FILIP1L: variants seen among roughly 807,000 people sequenced by gnomAD.
FILIP1L encodes filamin A interacting protein 1 like, also known as filamin A-interacting protein 1-like.
FILIP1L carries 55 observed loss-of-function variants against 96.6 expected under a neutral mutation model. That is an observed-to-expected ratio of 0.57 (90% CI 0.46 to 0.71). The LOEUF is 0.71. Among genes scored for constraint, FILIP1L ranks in the 30% least tolerant of loss-of-function variants. FILIP1L has a pLI of 0.00. For synonymous variants in FILIP1L, 467 were observed against 473.9 expected, an observed-to-expected ratio of 0.99 and a Z score of 0.19; for missense variants, 1,304 against 1,321.2, an observed-to-expected ratio of 0.99 and a Z score of 0.20.
At chr3:99,944,191 G>A (rs1456533270) in intron 1 of FILIP1L, among the ~76,000 whole-genome samples, 3 of 152,198 alleles carry the variant, frequency 2.0e-5, no homozygotes, top group Non-Finnish European at 2.9e-5. Context: ...AGTATTTTAA[G>A]AGTGTGTGTT....
chr3:100,013,869 T>C (rs1710238067), intron 1 of FILIP1L, among the ~76,000 whole-genome samples: 1 of 152,174 alleles, frequency 6.6e-6, no homozygotes. Flanking sequence ...TACAATATGT[T>C]GTTAACTATA....
intron 1 of FILIP1L, among the ~76,000 whole-genome samples, chr3:99,975,952 T>A (rs1708957381): frequency 6.6e-6 from 1 of 152,196 alleles, no homozygotes; most frequent in African/African-American, 2.4e-5. Context: ...TGGCACCATC[T>A]TGGCTCACTG....
intron 1 of FILIP1L, among the ~76,000 whole-genome samples, chr3:99,971,232 C>T (rs1243087543): frequency 1.3e-5 from 2 of 150,962 alleles, no homozygotes; most frequent in Non-Finnish European, 1.5e-5. Context: ...CCCAGCTACT[C>T]GGGAGGCTGA....
chr3:100,050,876 T>C (rs2065359652), intron 1 of FILIP1L, among the ~76,000 whole-genome samples: 1 of 152,104 alleles, frequency 6.6e-6, no homozygotes, highest in African/African-American at 2.4e-5. Flanking sequence ...GGAAGATAAC[T>C]CTGTGAGACA....
At chr3:99,861,711 A>G (rs936034282) in intron 4 of FILIP1L, among the ~76,000 whole-genome samples, 1 of 152,178 alleles carries the variant, frequency 6.6e-6, no homozygotes. Context: ...GGCAGGTGGA[A>G]TGACTGACAG....
rs964953238 is a variant in FILIP1L, at chr3:99,850,791, C to A, written c.885G>T (p.Leu295=). 6.2e-7 allele frequency: 1 copy of A among 1,614,062 alleles called. No homozygotes were observed. The highest frequency in any genetic ancestry group is 8.5e-7 in the Non-Finnish European group (1 of 1,180,038). Residue 295 remains leucine (L), a synonymous_variant, in exon 5 of 6, where the codon CTG becomes CTT. Transcript: ENST00000477258. The part of the protein sequence containing the change: ...EQKATRLEKE[L]QTQTTKFHQD... Reference sequence around the variant, plus strand: ...GGTGAAACTTTGTGGTCTGCGTTTGCAGTTCCTTCTCTAGTCTGGTTGCCT... The same window carrying A: ...GGTGAAACTTTGTGGTCTGCGTTTGAAGTTCCTTCTCTAGTCTGGTTGCCT...
At chr3:100,065,864 T>A (rs908438658) in intron 1 of FILIP1L, among the ~76,000 whole-genome samples, 1 of 152,242 alleles carries the variant, frequency 6.6e-6, no homozygotes, top group Non-Finnish European at 1.5e-5. Context: ...CTGTGTTCTA[T>A]GCTGTAAGGT....
intron 1 of FILIP1L, chr3:100,025,597 G>A (rs1202330211): frequency 6.6e-6 from 1 of 152,112 alleles, no homozygotes; most frequent in African/African-American, 2.4e-5. Flanking sequence ...AGTGCATTTA[G>A]CTCTGAGCTT....
At chr3:99,918,411 A>C (rs1013228108) in intron 4 of FILIP1L, among the ~76,000 whole-genome samples, 6 of 152,270 alleles carry the variant, frequency 3.9e-5, no homozygotes, top group Admixed American at 3.3e-4. Flanking sequence ...TAGGCTTGTT[A>C]ATGTTTTCTT....
At chr3:99,989,664 C>CTA (rs72124290) in intron 1 of FILIP1L, among the ~76,000 whole-genome samples, 4 of 62,800 alleles carry the variant, frequency 6.4e-5, no homozygotes, top group African/African-American at 3.2e-4. Flanking sequence ...GTATCTTCCT[C>CTA]TATATATATA....
In FILIP1L at chr3:99,905,703, T is replaced by C. The variant is rs368225006; in HGVS notation, c.605+18527A>G. Among the ~76,000 whole-genome samples, 10 of 152,328 alleles carry C rather than the reference T, an allele frequency of 6.6e-5. 1 individual carries two copies. The South Asian group carries it at 1.0e-3, about 16-fold the overall frequency. On this transcript the variant is annotated intron_variant, in intron 4 of 5. Transcript: ENST00000477258. Reference sequence around the variant, plus strand: ...CCTTTGTGGCACATTCCAGTTGATATCCACTTTCTTACTGAGAGGTTGCCA... The same window carrying C: ...CCTTTGTGGCACATTCCAGTTGATACCCACTTTCTTACTGAGAGGTTGCCA...
chr3:100,000,575 C>A (rs1559720570), intron 1 of FILIP1L, among the ~76,000 whole-genome samples: 1 of 152,126 alleles, frequency 6.6e-6, no homozygotes, highest in Non-Finnish European at 1.5e-5. Context: ...TCTGACCAGG[C>A]GCAGTAGCTT....
Position 99,927,457 on chromosome 3 carries a change from C to T in FILIP1L, c.426+2399G>A, listed in dbSNP as rs527455087. Among the ~76,000 whole-genome samples the T allele has an allele frequency of 2.6e-5, 4 of 151,874 alleles. No homozygotes were observed. In the South Asian group the frequency reaches 8.3e-4, roughly 32 times the overall value. ...TGATCTCAGCTCATCGCGATCTCCG[C>T]CTCCTGGGTTCAAGCGATTCACCTG... On this transcript the variant is annotated intron_variant, in intron 3 of 5. Coordinates refer to ENST00000477258, the MANE Select transcript of FILIP1L (RefSeq NM_001387850.1).
At chr3:99,917,585 T>C (rs1706992795) in intron 4 of FILIP1L, among the ~76,000 whole-genome samples, 1 of 152,236 alleles carries the variant, frequency 6.6e-6, no homozygotes, top group Non-Finnish European at 1.5e-5. Flanking sequence ...GCTAGGTCTT[T>C]TCTAGCTTAA....
intron 1 of FILIP1L, among the ~76,000 whole-genome samples, chr3:99,934,846 TA>T (rs1707609343): frequency 6.6e-6 from 1 of 152,232 alleles, no homozygotes; most frequent in South Asian, 2.1e-4. Context: ...CTGTGTTTGT[TA>T]TTCTTCTAAA....
chr3:100,069,780 G>A (rs1187040408), intron 1 of FILIP1L, among the ~76,000 whole-genome samples: 1 of 152,144 alleles, frequency 6.6e-6, no homozygotes, highest in African/African-American at 2.4e-5. Flanking sequence ...AGAGGAGGTG[G>A]CAGAATGGAG....
chr3:100,079,365 C>A (rs961795291), intron 1 of FILIP1L, among the ~76,000 whole-genome samples: 9 of 152,192 alleles, frequency 5.9e-5, no homozygotes, highest in Non-Finnish European at 1.3e-4. Flanking sequence ...TTGTAACCAT[C>A]TTTAATTTCC....
At chr3:99,969,479 T>C (rs1248718502) in intron 1 of FILIP1L, among the ~76,000 whole-genome samples, 1 of 152,112 alleles carries the variant, frequency 6.6e-6, no homozygotes, top group East Asian at 1.9e-4. Flanking sequence ...GCTCAACAGA[T>C]TGGTCACAGA....
At chr3:100,090,162 A>G (rs1181976766) in intron 1 of FILIP1L, among the ~76,000 whole-genome samples, 1 of 152,082 alleles carries the variant, frequency 6.6e-6, no homozygotes, top group Non-Finnish European at 1.5e-5. Flanking sequence ...CTAAACTATG[A>G]AGCACTCTAT....
Sources: allele counts gnomAD v4.1 joint callset (sites outside exome capture counted in the v4.1 genomes callset), GRCh38; gene constraint gnomAD v4.1.1; transcripts MANE v1.5; gene names NCBI Gene and HGNC (gene_info 2026-07-23, HGNC 2026-07-21).